Variants in RPS6KC1 observed in about 807,000 individuals in gnomAD.
RPS6KC1 encodes ribosomal protein S6 kinase C1, also known as inactive ribosomal protein S6 kinase delta-1.
Under a neutral mutation model 103.8 loss-of-function variants are expected in RPS6KC1, and 54 were observed. The ratio of observed to expected loss-of-function variants is 0.52; its 90% CI spans 0.42 to 0.65. RPS6KC1 has a LOEUF of 0.65. RPS6KC1 is among the 30% of genes least tolerant of loss of function. The pLI, the probability that RPS6KC1 is intolerant of heterozygous loss-of-function variation, is 0.00. For missense variants in RPS6KC1, 1,151 were observed against 1,253.8 expected, an observed-to-expected ratio of 0.92 and a Z score of 1.24; for synonymous variants, 439 against 438.7, an observed-to-expected ratio of 1.00 and a Z score of -0.01.
chr1:213,758,825 T>G, the RPS6KC1 span, among the ~76,000 whole-genome samples: 1 of 152,202 alleles, frequency 6.6e-6, no homozygotes, highest in South Asian at 2.1e-4. Context: ...TTGCTTTTTA[T>G]GAATGAGCAA....
chr1:213,134,511 A>G (rs2086034348), intron 6 of RPS6KC1, among the ~76,000 whole-genome samples: 1 of 152,142 alleles, frequency 6.6e-6, no homozygotes. Flanking sequence ...ACTCAGATTA[A>G]GAGATGCAAA....
chr1:213,667,351 C>T, the RPS6KC1 span, among the ~76,000 whole-genome samples: 8 of 152,128 alleles, frequency 5.3e-5, no homozygotes, highest in Admixed American at 3.3e-4. Context: ...GTGAAGCATG[C>T]ACATTTTTTG....
chr1:213,532,385 C>T, the RPS6KC1 span, among the ~76,000 whole-genome samples: 3 of 152,088 alleles, frequency 2.0e-5, no homozygotes, highest in Non-Finnish European at 2.9e-5. Flanking sequence ...ACCCAGCTGG[C>T]TGGGTTTGTT....
the RPS6KC1 span, among the ~76,000 whole-genome samples, chr1:213,628,818 A>G: frequency 4.7e-3 from 718 of 152,184 alleles, 6 homozygotes; most frequent in African/African-American, 0.016. Context: ...ACGTCTTTAT[A>G]TCTGCCTTCA....
the RPS6KC1 span, among the ~76,000 whole-genome samples, chr1:213,772,348 A>G: frequency 6.6e-6 from 1 of 152,204 alleles, no homozygotes; most frequent in African/African-American, 2.4e-5. Flanking sequence ...TTTGCGCAGG[A>G]CACAATGGCA....
intron 8 of RPS6KC1, among the ~76,000 whole-genome samples, chr1:213,203,909 C>T (rs1293984541): frequency 6.6e-6 from 1 of 152,144 alleles, no homozygotes; most frequent in Non-Finnish European, 1.5e-5. Flanking sequence ...TCTACCTTTC[C>T]CATCCCGGAA....
At chr1:213,793,834 G>A in the RPS6KC1 span, among the ~76,000 whole-genome samples, 2 of 152,136 alleles carry the variant, frequency 1.3e-5, no homozygotes, top group African/African-American at 4.8e-5. Flanking sequence ...GACTTTAAAG[G>A]CAGCTTTGAA....
At chr1:213,647,252 A>T in the RPS6KC1 span, among the ~76,000 whole-genome samples, 2 of 152,100 alleles carry the variant, frequency 1.3e-5, no homozygotes, top group Non-Finnish European at 2.9e-5. Context: ...AAGGAGGTTG[A>T]CTTTACTTAC....
At chr1:213,509,782 A>G in the RPS6KC1 span, among the ~76,000 whole-genome samples, 9 of 152,200 alleles carry the variant, frequency 5.9e-5, no homozygotes, top group African/African-American at 2.2e-4. Flanking sequence ...TAGCATATGA[A>G]AATAATTTTC....
At chr1:213,352,345 G>A in the RPS6KC1 span, among the ~76,000 whole-genome samples, 82 of 152,218 alleles carry the variant, frequency 5.4e-4, 1 homozygote, top group Middle Eastern at 0.01. Flanking sequence ...TATAAAAGCT[G>A]TGTATCAAGT....
chr1:213,058,960 C>T (rs1218358879), intron 1 of RPS6KC1, among the ~76,000 whole-genome samples: 1 of 152,156 alleles, frequency 6.6e-6, no homozygotes, highest in Non-Finnish European at 1.5e-5. Context: ...GAGCAAATTG[C>T]TTCTCTGTAT....
At chr1:213,256,573 T>G (rs922046944) in intron 12 of RPS6KC1, among the ~76,000 whole-genome samples, 1 of 152,042 alleles carries the variant, frequency 6.6e-6, no homozygotes, top group Non-Finnish European at 1.5e-5. Context: ...TCATGATGTT[T>G]TAAGAAAGTT....
chr1:213,584,541 G>A, the RPS6KC1 span, among the ~76,000 whole-genome samples: 1 of 152,164 alleles, frequency 6.6e-6, no homozygotes, highest in Admixed American at 6.5e-5. Context: ...AAATGACACC[G>A]AATGGTAGAT....
At chr1:213,186,472 T>G (rs1330190182) in intron 8 of RPS6KC1, among the ~76,000 whole-genome samples, 2 of 152,180 alleles carry the variant, frequency 1.3e-5, no homozygotes, top group Non-Finnish European at 2.9e-5. Context: ...GTCCTTTATA[T>G]GTTATTTGCT....
chr1:213,241,531 T>G lies in RPS6KC1; in HGVS notation c.2055T>G (p.Asp685Glu). 6.2e-7 allele frequency: 1 copy of G among 1,613,992 alleles called. No homozygotes were observed. The highest frequency in any genetic ancestry group is 8.5e-7 in the Non-Finnish European group (1 of 1,179,932). Reference protein sequence around the residue: ...DAAFDDVSGTDEGRPDLLVNL... With the variant: ...DAAFDDVSGTEEGRPDLLVNL... The stretch of plus-strand genomic sequence containing the variant: ...CTTTTGATGATGTCAGTGGTACTGA[T>G]GAAGGAAGACCTGATCTTCTTGTAA... Residue 685 changes from aspartate (D) to glutamate (E), a missense_variant, in exon 11 of 15, where the codon GAT becomes GAG. By Grantham distance (45) the Asp-to-Glu change is conservative. Transcript: ENST00000366960.
At chr1:213,142,441 T>TAGA (rs754272448) in intron 6 of RPS6KC1, among the ~76,000 whole-genome samples, 3 of 152,104 alleles carry the variant, frequency 2.0e-5, no homozygotes, top group Admixed American at 6.6e-5. Context: ...CTCTGGCTCC[T>TAGA]AGAGTTGCCA....
the RPS6KC1 span, among the ~76,000 whole-genome samples, chr1:213,755,439 T>G: frequency 6.6e-6 from 1 of 152,204 alleles, no homozygotes; most frequent in African/African-American, 2.4e-5. Context: ...CACTGGGCAT[T>G]AACTCCCAGA....
chr1:213,113,616 A>C (rs2083263693), intron 4 of RPS6KC1, among the ~76,000 whole-genome samples: 4 of 151,488 alleles, frequency 2.6e-5, no homozygotes, highest in Admixed American at 2.6e-4. Flanking sequence ...TTGGTGTTTT[A>C]GACATGAAGT....
At chr1:213,757,431 A>T in the RPS6KC1 span, among the ~76,000 whole-genome samples, 36 of 152,370 alleles carry the variant, frequency 2.4e-4, no homozygotes, top group Non-Finnish European at 4.6e-4. Flanking sequence ...ACAAGCCACA[A>T]CATTCCCTTA....
Sources: gnomAD v4.1 joint callset for allele counts (sites outside exome capture counted in the v4.1 genomes callset) on GRCh38, gnomAD v4.1.1 for gene constraint, MANE v1.5 for transcripts, NCBI Gene and HGNC (gene_info 2026-07-23, HGNC 2026-07-21) for gene names.